Variants in COL6A5 observed in about 807,000 individuals in gnomAD.
COL6A5 encodes collagen alpha-5(VI) chain.
COL6A5 carries 48 observed loss-of-function variants against 65.6 expected under a neutral mutation model. The ratio of observed to expected loss-of-function variants is 0.73; its 90% CI spans 0.58 to 0.93. The LOEUF (loss-of-function observed/expected upper bound fraction) is 0.93, where lower values mean the gene tolerates loss of function less well. COL6A5 is among the 40% of genes least tolerant of loss of function. The pLI is 0.00. For missense variants in COL6A5, 914 were observed against 928.3 expected, an observed-to-expected ratio of 0.98 and a Z score of 0.20; for synonymous variants, 291 against 322.8, an observed-to-expected ratio of 0.90 and a Z score of 1.05.
intron 4 of COL6A5, among the ~76,000 whole-genome samples, chr3:130,448,717 G>A (rs1161136175): frequency 1.3e-5 from 2 of 152,138 alleles, no homozygotes; most frequent in East Asian, 1.9e-4. Context: ...GCTCGAACTG[G>A]TGAAAGCACT....
At chr3:130,354,981 G>T (rs1470854240) in intron 1 of COL6A5, among the ~76,000 whole-genome samples, 3 of 151,980 alleles carry the variant, frequency 2.0e-5, no homozygotes, top group Admixed American at 6.6e-5. Context: ...TTTTATATTG[G>T]TTATACATAG....
upstream of COL6A5, among the ~76,000 whole-genome samples, chr3:130,428,264 G>A (rs141653257): frequency 1.3e-5 from 2 of 152,290 alleles, no homozygotes; most frequent in African/African-American, 2.4e-5. Context: ...GCAACAGGCC[G>A]TTAGAGCTGA....
At position 130,398,010 on chromosome 3, in the gene COL6A5, C is replaced by T. The variant is rs1482407602; in HGVS notation, c.3910-20C>T. 5 of 1,539,886 alleles carry T rather than the reference C, an allele frequency of 3.2e-6. No individual in the cohort carries two copies. In the East Asian group the frequency reaches 1.2e-4, roughly 38 times the overall value. On this transcript the variant is annotated intron_variant and NMD_transcript_variant, in intron 9 of 41. Transcript: ENST00000312481. ...TTATATATTTAGCTTTTACACCATA[C>T]CATTTTCTTATTTCTCCAGGTGCTG...
chr3:130,411,944 C>T (rs1566138), intron 20 of COL6A5, among the ~76,000 whole-genome samples: 2,811 of 152,174 alleles, frequency 0.018, 66 homozygotes, highest in East Asian at 0.091. Flanking sequence ...CCCAACTTTC[C>T]GACGCAGAAT....
chr3:130,398,275 C>A (rs931685817), intron 10 of COL6A5, among the ~76,000 whole-genome samples, 164 bp downstream of exon 10: 1 of 151,702 alleles, frequency 6.6e-6, no homozygotes, highest in Admixed American at 6.6e-5. Context: ...GGACTACAGG[C>A]GCCCACCACC....
intron 1 of COL6A5, among the ~76,000 whole-genome samples, chr3:130,354,594 C>T (rs1188944114): frequency 2.0e-5 from 3 of 152,164 alleles, no homozygotes; most frequent in African/African-American, 4.8e-5. Flanking sequence ...TTCATACGCA[C>T]GTTAAAGCTT....
rs555636979 is a variant in COL6A5, at chr3:130,362,677, C to T, written c.-28-10934C>T. ...TGTCAATATCAAAATAACTTGCTGA[C>T]ATTGATTGGGATTGTGTTAAATCTA... On this transcript the variant is annotated intron_variant and NMD_transcript_variant, in intron 1 of 41. Coordinates refer to the COL6A5 transcript ENST00000312481. 2.6e-5 allele frequency among the ~76,000 whole-genome samples: 4 copies of T among 152,214 alleles called. No homozygotes were observed. In the East Asian group the frequency reaches 5.8e-4, roughly 22 times the overall value.
At chr3:130,458,692 T>G (rs1709632286) in intron 5 of COL6A5, among the ~76,000 whole-genome samples, 1 of 152,144 alleles carries the variant, frequency 6.6e-6, no homozygotes, top group African/African-American at 2.4e-5. Context: ...GCTAAAGAGT[T>G]CCAGGTGAAG....
intron 3 of COL6A5, among the ~76,000 whole-genome samples, chr3:130,441,649 A>G (rs768258507): frequency 6.6e-6 from 1 of 152,158 alleles, no homozygotes; most frequent in African/African-American, 2.4e-5. Flanking sequence ...TGTTCTCAAT[A>G]TGGCACAATT....
chr3:130,391,682 G>A lies in COL6A5; in HGVS notation c.2920G>A (p.Val974Ile), dbSNP rs1192342127. ...AGGGAATAAAAACAATACTATCTAT[G>A]TAGATAATTTTGACAAACTGAAAGA... The change falls in exon 7 of 42, where the codon GTA becomes ATA. Residue 974 changes from valine (V) to isoleucine (I), a missense_variant and NMD_transcript_variant. Coordinates refer to the COL6A5 transcript ENST00000312481. 9 of 1,551,644 alleles carry A rather than the reference G, an allele frequency of 5.8e-6. No individual in the cohort carries two copies. In the East Asian group the frequency reaches 2.0e-4, roughly 34 times the overall value.
At chr3:130,449,839 A>G in intron 4 of COL6A5, among the ~76,000 whole-genome samples, 1 of 152,154 alleles carries the variant, frequency 6.6e-6, no homozygotes, top group East Asian at 1.9e-4. Context: ...CGATTAATTT[A>G]ATCTCATCAA....
chr3:130,354,716 G>A (rs547107798), intron 1 of COL6A5, among the ~76,000 whole-genome samples: 96 of 152,204 alleles, frequency 6.3e-4, no homozygotes, highest in Non-Finnish European at 1.2e-3. Flanking sequence ...TAAGAACTAT[G>A]ATAGGCTGAG....
rs1272670176 is a variant in COL6A5, at chr3:130,376,617, G to A, written c.448G>A (p.Val150Met). 3 of 1,611,068 alleles carry A rather than the reference G, an allele frequency of 1.9e-6. No individual in the cohort carries two copies. The East Asian group carries it at 6.7e-5, about 36-fold the overall frequency. Residue 150 changes from valine to methionine, a missense_variant and NMD_transcript_variant, in exon 3 of 42, where the codon GTG becomes ATG. Val to Met is a conservative substitution (Grantham distance 21). Transcript: ENST00000312481. ...GGCTTCGGCTGAGTCTGAGGATGAAGTGGAAGAGGCTTCGAAAGCCCTGCA... is the reference window on the plus strand; with the variant it reads ...GGCTTCGGCTGAGTCTGAGGATGAAATGGAAGAGGCTTCGAAAGCCCTGCA...
At chr3:130,346,664 T>C (rs550725140) in intron 1 of COL6A5, among the ~76,000 whole-genome samples, 1 of 152,302 alleles carries the variant, frequency 6.6e-6, no homozygotes, top group Admixed American at 6.5e-5. Flanking sequence ...AATTTTGTAC[T>C]CTCAGGATCC....
chr3:130,457,306 A>G (rs763020303), intron 5 of COL6A5, among the ~76,000 whole-genome samples: 2 of 152,074 alleles, frequency 1.3e-5, no homozygotes, highest in African/African-American at 2.4e-5. Context: ...AAGCATTCCA[A>G]AGTCTGGTAA....
chr3:130,461,415 G>A (rs1337482918), intron 5 of COL6A5, among the ~76,000 whole-genome samples: 1 of 152,082 alleles, frequency 6.6e-6, no homozygotes, highest in Non-Finnish European at 1.5e-5. Context: ...CACCATATAA[G>A]CACTTTATAG....
At chr3:130,423,743 A>T (rs1053230322) in intron 28 of COL6A5, 95 bp from the exon 29 acceptor site, 60 of 914,310 alleles carry the variant, frequency 6.6e-5, no homozygotes, top group South Asian at 5.7e-4. Flanking sequence ...TCTTTTTAAA[A>T]TTTTTTTTAA....
Position 130,401,894 on chromosome 3 carries a change from T to A in COL6A5, c.4227+40T>A, listed in dbSNP as rs981472900. The A allele has an allele frequency of 6.3e-6, 9 of 1,427,064 alleles. No individual in the cohort carries two copies. The Admixed American group carries it at 9.8e-5, about 16-fold the overall frequency. The allele number at this position is 1,427,064 out of a possible 1,614,324, so 88.4% of individuals were successfully genotyped here. ...TGATACTATTTTATCTAATGTGCCT[T>A]GATTTGGTACAGGTGGGACTGAGAC... On this transcript the variant is annotated intron_variant and NMD_transcript_variant, in intron 12 of 41. Coordinates refer to the COL6A5 transcript ENST00000312481.
intron 10 of COL6A5, among the ~76,000 whole-genome samples, chr3:130,399,434 G>T (rs188855719): frequency 1.4e-5 from 2 of 147,490 alleles, no homozygotes; most frequent in Admixed American, 6.9e-5. Flanking sequence ...GCAGTGGCCC[G>T]ATCTTGGCTC....
Sources: gnomAD v4.1 joint callset for allele counts (sites outside exome capture counted in the v4.1 genomes callset) on GRCh38, gnomAD v4.1.1 for gene constraint, MANE v1.5 for transcripts, NCBI Gene and HGNC (gene_info 2026-07-23, HGNC 2026-07-21) for gene names.